The following TMEM132D variants were observed in gnomAD, a reference collection of about 807,000 sequenced individuals.
The protein encoded by TMEM132D is transmembrane protein 132D.
TMEM132D carries 21 observed loss-of-function variants against 62.3 expected under a neutral mutation model. That is an observed-to-expected ratio of 0.34 (90% CI 0.24 to 0.49). The LOEUF is 0.49. Among genes scored for constraint, TMEM132D ranks in the 20% least tolerant of loss-of-function variants. The probability of loss-of-function intolerance (pLI) is 0.99; values close to 1 mark genes in which losing one functional copy is unlikely to be tolerated. For synonymous variants in TMEM132D, 621 were observed against 575.6 expected, an observed-to-expected ratio of 1.08 and a Z score of -1.13; for missense variants, 1,346 against 1,402.8, an observed-to-expected ratio of 0.96 and a Z score of 0.65.
In TMEM132D at chr12:129,185,761, ATCTG is replaced by A. The variant is rs11271238; in HGVS notation, c.1443+23755_1443+23758del. Among the ~76,000 whole-genome samples the A allele has an allele frequency of 1.6e-4, 23 of 140,902 alleles. No homozygotes were observed. In the East Asian group the frequency reaches 2.3e-3, roughly 14 times the overall value. The allele number at this position is 140,902 out of a possible 152,430, so 92.4% of individuals were successfully genotyped here. A position where few individuals can be genotyped will look rare whatever the true frequency, so the allele number is the denominator to read the frequency against. On this transcript the variant is annotated intron_variant, in intron 5 of 8. Coordinates refer to ENST00000422113, the MANE Select transcript of TMEM132D (RefSeq NM_133448.3). ...TCTATCTGCCTGTCTTTTATCCATC[ATCTG>A]TCTGTCTGTCTATCTATCTATCTAT...
intron 4 of TMEM132D, among the ~76,000 whole-genome samples, chr12:129,248,049 C>T (rs1460248647): frequency 6.6e-6 from 1 of 152,108 alleles, no homozygotes; most frequent in Non-Finnish European, 1.5e-5. Context: ...TTCTCTACCT[C>T]GATATCATTA....
chr12:129,315,852 T>G (rs1868473255), intron 4 of TMEM132D, among the ~76,000 whole-genome samples: 1 of 152,192 alleles, frequency 6.6e-6, no homozygotes, highest in South Asian at 2.1e-4. Flanking sequence ...ACCTAATTCT[T>G]CCTGATTTAG....
At chr12:129,552,146 T>A (rs1876915799) in intron 2 of TMEM132D, among the ~76,000 whole-genome samples, 1 of 152,226 alleles carries the variant, frequency 6.6e-6, no homozygotes, top group African/African-American at 2.4e-5. Flanking sequence ...TATATCCATG[T>A]GCTATCAGGA....
rs1378939684 is a variant in TMEM132D, at chr12:129,261,958, TA to T, written c.1300-52296del. Reference sequence around the variant, plus strand: ...ATACTAAAACATATTTTCTTGACAATAAAAAGGGATAAATCGATGATTCAGG... The same window carrying T: ...ATACTAAAACATATTTTCTTGACAATAAAAGGGATAAATCGATGATTCAGG... On this transcript the variant is annotated intron_variant, in intron 4 of 8. Coordinates refer to ENST00000422113, the MANE Select transcript of TMEM132D (RefSeq NM_133448.3). Among the ~76,000 whole-genome samples, 10 of 151,994 alleles carry T rather than the reference TA, an allele frequency of 6.6e-5. 1 individual carries two copies. The highest frequency in any genetic ancestry group is 1.5e-4 in the Non-Finnish European group (10 of 67,998).
At chr12:129,433,738 AGGAGGTGCTAAG>A (rs1236156259) in intron 3 of TMEM132D, among the ~76,000 whole-genome samples, 1 of 152,166 alleles carries the variant, frequency 6.6e-6, no homozygotes, top group African/African-American at 2.4e-5. Context: ...CGTGGCTGCC[AGGAGGTGCTAAG>A]GGAGGTGGTG....
chr12:129,354,359 C>T (rs1052552901), intron 3 of TMEM132D, among the ~76,000 whole-genome samples: 18 of 149,326 alleles, frequency 1.2e-4, no homozygotes, highest in Non-Finnish European at 2.7e-4. Flanking sequence ...AGTCTCGCTC[C>T]GTCACGCAGG....
chr12:129,322,290 G>T (rs188402101), intron 4 of TMEM132D, among the ~76,000 whole-genome samples: 1 of 151,990 alleles, frequency 6.6e-6, no homozygotes, highest in Non-Finnish European at 1.5e-5. Flanking sequence ...TGATGTAAAA[G>T]CATCAGTTTT....
chr12:129,663,694 T>G (rs2137193890), intron 2 of TMEM132D, among the ~76,000 whole-genome samples: 1 of 152,304 alleles, frequency 6.6e-6, no homozygotes, highest in Non-Finnish European at 1.5e-5. Flanking sequence ...CAGGAATTAC[T>G]TCTGAATAAT....
At position 129,903,553 on chromosome 12, in the gene TMEM132D, G is replaced by A. The variant is rs190375980; in HGVS notation, c.-214C>T. On this transcript the variant is annotated 5_prime_UTR_variant, in exon 1 of 9. Coordinates refer to ENST00000422113, the MANE Select transcript of TMEM132D (RefSeq NM_133448.3). This position sits in a 1 kb window ranked among gnomAD's most constrained non-coding sequence, Gnocchi z 6.2. ...GCGGGCTCCTGAGTTGCTCTCCGGA[G>A]TCCAACACGCGCGCAGGCAAACCCC... The A allele has an allele frequency of 1.9e-3, 1,103 of 565,920 alleles. 12 individuals carry two copies. The highest frequency in any genetic ancestry group is 0.018 in the African/African-American group (956 of 51,706). 35.1% of individuals were successfully genotyped at this position (565,920 alleles called of 1,614,324 possible).
chr12:129,355,082 C>A (rs1869997154), intron 3 of TMEM132D, among the ~76,000 whole-genome samples: 1 of 152,194 alleles, frequency 6.6e-6, no homozygotes, highest in Non-Finnish European at 1.5e-5. Flanking sequence ...CTTCTACCAA[C>A]TCTTTAAGTC....
intron 3 of TMEM132D, among the ~76,000 whole-genome samples, chr12:129,437,573 G>T (rs1012501997): frequency 6.6e-6 from 1 of 152,106 alleles, no homozygotes; most frequent in African/African-American, 2.4e-5. Flanking sequence ...GTAAGGATGT[G>T]AAGTGATGAG....
chr12:129,842,244 G>C (rs1250776141), intron 1 of TMEM132D, among the ~76,000 whole-genome samples: 1 of 151,520 alleles, frequency 6.6e-6, no homozygotes, highest in East Asian at 2.0e-4. Flanking sequence ...CACCGCGCCC[G>C]GCCAGCACTC....
At position 129,074,156 on chromosome 12, in the gene TMEM132D, T is replaced by C. The variant is rs768481097; in HGVS notation, c.3019A>G (p.Asn1007Asp). ...FEESKYLLST[N>D]SQKSINGQLF... ...TGCCCATTGATGCTTTTTTGGGAGT[T>C]TGTGCTGAGGAGATATTTACTTTCC... The change falls in exon 9 of 9, where the codon AAC becomes GAC. Residue 1007 changes from asparagine (N) to aspartate (D), a missense_variant. Physicochemically the swap from Asn to Asp is conservative, Grantham distance 23 (BLOSUM62 1). Transcript: ENST00000422113. The C allele has an allele frequency of 1.9e-6, 3 of 1,614,110 alleles. No homozygotes were observed. The highest frequency in any genetic ancestry group is 2.5e-6 in the Non-Finnish European group (3 of 1,180,018).
chr12:129,314,803 T>C (rs991308116), intron 4 of TMEM132D, among the ~76,000 whole-genome samples: 3 of 151,744 alleles, frequency 2.0e-5, no homozygotes, highest in Non-Finnish European at 2.9e-5. Flanking sequence ...ATTTCAGCAG[T>C]GTTTTGTAGT....
At chr12:129,811,172 G>A (rs1456689149) in intron 1 of TMEM132D, among the ~76,000 whole-genome samples, 1 of 151,518 alleles carries the variant, frequency 6.6e-6, no homozygotes, top group Non-Finnish European at 1.5e-5. Flanking sequence ...AACATAAAAT[G>A]TTTGGGGAAA....
At chr12:129,736,373 T>G (rs977293033) in intron 1 of TMEM132D, among the ~76,000 whole-genome samples, 13 of 152,316 alleles carry the variant, frequency 8.5e-5, no homozygotes, top group African/African-American at 2.9e-4. Context: ...ATTTTGTATC[T>G]GAAATATTGC....
At chr12:129,868,281 C>A (rs1874125618) in intron 1 of TMEM132D, among the ~76,000 whole-genome samples, 1 of 152,146 alleles carries the variant, frequency 6.6e-6, no homozygotes, top group African/African-American at 2.4e-5. Flanking sequence ...CTATGGTACA[C>A]ACATGAGACA....
intron 3 of TMEM132D, among the ~76,000 whole-genome samples, chr12:129,433,770 G>A (rs1036016892): frequency 6.6e-5 from 10 of 152,134 alleles, no homozygotes; most frequent in Non-Finnish European, 1.0e-4. Context: ...GAAACCCCAC[G>A]AAGGGATGCC....
At chr12:129,263,388 T>G (rs1880602620) in intron 4 of TMEM132D, among the ~76,000 whole-genome samples, 1 of 152,192 alleles carries the variant, frequency 6.6e-6, no homozygotes, top group Admixed American at 6.5e-5. Flanking sequence ...CCAAATGCTA[T>G]CTTATCTCTA....
Sources: allele counts gnomAD v4.1 joint callset (sites outside exome capture counted in the v4.1 genomes callset), GRCh38; gene constraint gnomAD v4.1.1; non-coding constraint Gnocchi (gnomAD v3.1); transcripts MANE v1.5; gene names NCBI Gene and HGNC (gene_info 2026-07-23, HGNC 2026-07-21).